Variants in TUSC3 observed in about 807,000 individuals in gnomAD.
The protein encoded by TUSC3 is tumor suppressor candidate 3, also known as dolichyl-diphosphooligosaccharide--protein glycosyltransferase subunit TUSC3.
In TUSC3, 45 loss-of-function variants were observed where a neutral mutation model predicts 44.8. The observed-to-expected ratio is 1.00, with a 90% CI of 0.79 to 1.29. The LOEUF (loss-of-function observed/expected upper bound fraction) is 1.29. Among genes scored for constraint, TUSC3 ranks in the 50% most tolerant of loss-of-function variants. The probability of loss-of-function intolerance (pLI) is 0.00; values close to 1 mark genes in which losing one functional copy is unlikely to be tolerated. For missense variants in TUSC3, 519 were observed against 437.9 expected, an observed-to-expected ratio of 1.19 and a Z score of -1.65; for synonymous variants, 212 against 152.9, an observed-to-expected ratio of 1.39 and a Z score of -2.85.
intron 9 of TUSC3, among the ~76,000 whole-genome samples, chr8:15,756,199 C>A (rs7830913): frequency 6.6e-6 from 1 of 152,012 alleles, no homozygotes; most frequent in African/African-American, 2.4e-5. Context: ...TTTGGTTCCT[C>A]TTAACTAACT....
chr8:15,492,481 T>C (rs747363691), intron 2 of TUSC3, among the ~76,000 whole-genome samples: 1 of 152,208 alleles, frequency 6.6e-6, no homozygotes, highest in African/African-American at 2.4e-5. Flanking sequence ...GTTTTCACTT[T>C]AAACATGAAA....
At chr8:15,427,746 C>G (rs1187480833) in intron 1 of TUSC3, among the ~76,000 whole-genome samples, 1 of 152,146 alleles carries the variant, frequency 6.6e-6, no homozygotes, top group Non-Finnish European at 1.5e-5. Context: ...ATATGGGTAA[C>G]TACCACTGCT....
intron 6 of TUSC3, among the ~76,000 whole-genome samples, chr8:15,693,770 G>C (rs1338217070): frequency 6.6e-6 from 1 of 152,002 alleles, no homozygotes; most frequent in East Asian, 1.9e-4. Context: ...CTCCCTTACA[G>C]GGACACCAGT....
intron 1 of TUSC3, among the ~76,000 whole-genome samples, chr8:15,467,197 T>G (rs1800425514): frequency 6.6e-6 from 1 of 150,890 alleles, no homozygotes. Flanking sequence ...AGTCAACAAG[T>G]ACGTGCACTA....
chr8:15,561,333 G>A lies in TUSC3; in HGVS notation c.138+20765G>A, dbSNP rs1053124123. On this transcript the variant is annotated intron_variant, in intron 1 of 10. Coordinates refer to ENST00000503731, the MANE Select transcript of TUSC3 (RefSeq NM_006765.4). ...GGCTGCTAGGAGGTCAGGGGTCAGG[G>A]ACCCACTTGAGGAGGCAGTCTGCCA... Among the ~76,000 whole-genome samples the A allele has an allele frequency of 3.8e-4, 55 of 146,212 alleles. 3 individuals are homozygous for A. The highest frequency in any genetic ancestry group is 1.3e-3 in the African/African-American group (52 of 39,984).
At chr8:15,747,388 A>C (rs577332404) in intron 8 of TUSC3, among the ~76,000 whole-genome samples, 86 of 152,076 alleles carry the variant, frequency 5.7e-4, no homozygotes, top group African/African-American at 2.0e-3. Context: ...TGTTCTTAAA[A>C]GATGTTTAGA....
intron 6 of TUSC3, among the ~76,000 whole-genome samples, chr8:15,728,558 C>G (rs1319540541): frequency 2.6e-5 from 4 of 151,864 alleles, no homozygotes; most frequent in African/African-American, 7.3e-5. Context: ...AGGATTTTTG[C>G]CTAAACAACT....
rs145639402 is a variant in TUSC3, at chr8:15,423,908, C to G, written n.91+6603C>G. 3.1e-3 allele frequency among the ~76,000 whole-genome samples: 464 copies of G among 149,324 alleles called. 4 individuals carry two copies. Among genetic ancestry groups the G allele is most frequent in the African/African-American group, 0.011 (441 of 40,746 alleles). Reference sequence around the variant, plus strand: ...ACCCCTGTTGTGTGGGGCTTATTGACCAGGATGTTTCCAGGAAAGTCTTCG... The same window carrying G: ...ACCCCTGTTGTGTGGGGCTTATTGAGCAGGATGTTTCCAGGAAAGTCTTCG... On this transcript the variant is annotated intron_variant and non_coding_transcript_variant, in intron 1 of 5. Coordinates refer to the TUSC3 transcript ENST00000503191.
chr8:15,650,744 C>A lies in TUSC3; in HGVS notation c.356C>A (p.Ser119Ter). The A allele has an allele frequency of 6.2e-7, 1 of 1,614,122 alleles. No individual in the cohort carries two copies. Among genetic ancestry groups the A allele is most frequent in the Non-Finnish European group, 8.5e-7 (1 of 1,180,016 alleles). Residue 119 changes from serine to a stop codon, truncating the protein, a stop_gained, in exon 3 of 11, where the codon TCA becomes TAA. Coordinates refer to ENST00000503731, the MANE Select transcript of TUSC3 (RefSeq NM_006765.4). LOFTEE classifies it high-confidence loss of function. ...ATACTGGCGAACTCCTGGCGCTATT[C>A]ATCTGCTTTTTGTAACAAGCTCTTC... ...YQILANSWRY[S>*]SAFCNKLFFS...
intron 6 of TUSC3, among the ~76,000 whole-genome samples, chr8:15,729,550 A>T (rs1172707126): frequency 6.6e-6 from 1 of 152,194 alleles, no homozygotes; most frequent in Non-Finnish European, 1.5e-5. Flanking sequence ...AAATGAAATG[A>T]TGTCCTTTGT....
At position 15,735,469 on chromosome 8, in the gene TUSC3, G is replaced by GATTA. The variant is rs1281791433; in HGVS notation, c.862+4744_862+4747dup. On this transcript the variant is annotated intron_variant, in intron 7 of 10. Transcript: ENST00000503731. Reference sequence around the variant, plus strand: ...CCTCATAATTGGTTGATGAGAAAGGGATTAATTTGTTTAAATTGCTTAAGA... The same window carrying GATTA: ...CCTCATAATTGGTTGATGAGAAAGGGATTAATTAATTTGTTTAAATTGCTTAAGA... 9.9e-5 allele frequency among the ~76,000 whole-genome samples: 15 copies of GATTA among 152,206 alleles called. No homozygotes were observed. In the South Asian group the frequency reaches 2.3e-3, roughly 23 times the overall value.
chr8:15,720,199 T>TACACACACAC lies in TUSC3; in HGVS notation c.799-10466_799-10465insCACACACACA, dbSNP rs1278052451. On this transcript the variant is annotated intron_variant, in intron 6 of 10. Coordinates refer to ENST00000503731, the MANE Select transcript of TUSC3 (RefSeq NM_006765.4). ...CATTGTTAAATATAGTGTATATATATATACACACACACACACACACACACA... is the reference window on the plus strand; with the variant it reads ...CATTGTTAAATATAGTGTATATATATACACACACACATACACACACACACACACACACACA... Among the ~76,000 whole-genome samples the TACACACACAC allele has an allele frequency of 2.2e-3, 222 of 100,848 alleles. 1 individual carries two copies. The highest frequency in any genetic ancestry group is 9.3e-3 in the South Asian group (24 of 2,572). 66.2% of individuals were successfully genotyped at this position (100,848 alleles called of 152,430 possible). A position where few individuals can be genotyped will look rare whatever the true frequency, so the allele number is the denominator to read the frequency against.
intron 1 of TUSC3, among the ~76,000 whole-genome samples, chr8:15,479,975 C>A (rs925343339): frequency 3.3e-5 from 5 of 151,980 alleles, no homozygotes; most frequent in Admixed American, 1.3e-4. Flanking sequence ...AAATCAGTGC[C>A]CAGAAATCAC....
chr8:15,457,595 G>A (rs559074853), intron 1 of TUSC3, among the ~76,000 whole-genome samples: 20 of 150,734 alleles, frequency 1.3e-4, no homozygotes, highest in African/African-American at 4.6e-4. Context: ...ATGTATTACA[G>A]TGTTCATAGC....
At chr8:15,514,636 T>C (rs1374989603) in intron 2 of TUSC3, among the ~76,000 whole-genome samples, 1 of 152,238 alleles carries the variant, frequency 6.6e-6, no homozygotes, top group Admixed American at 6.5e-5. Context: ...GCTTTTGATA[T>C]GGAAGAGCCT....
intron 6 of TUSC3, among the ~76,000 whole-genome samples, chr8:15,686,016 T>A (rs1808613360): frequency 6.6e-6 from 1 of 152,104 alleles, no homozygotes; most frequent in Non-Finnish European, 1.5e-5. Context: ...TAAAGAAAAT[T>A]AATAGTGCAG....
chr8:15,618,531 C>T (rs1216307870), intron 1 of TUSC3, among the ~76,000 whole-genome samples: 1 of 152,170 alleles, frequency 6.6e-6, no homozygotes, highest in Non-Finnish European at 1.5e-5. Context: ...TCTTGTCCCA[C>T]TGGGGGGTCT....
the TUSC3 span, chr8:15,807,130 T>A: frequency 9.7e-7 from 1 of 1,032,746 alleles, no homozygotes. Context: ...AATGACCACC[T>A]TTCAAGTCCA....
chr8:15,491,760 C>T (rs1800812398), intron 2 of TUSC3, among the ~76,000 whole-genome samples: 1 of 152,156 alleles, frequency 6.6e-6, no homozygotes, highest in Non-Finnish European at 1.5e-5. Context: ...GAGACATTTG[C>T]TGAAGAAAAC....
Sources: allele counts gnomAD v4.1 joint callset (sites outside exome capture counted in the v4.1 genomes callset), GRCh38; gene constraint gnomAD v4.1.1; transcripts MANE v1.5; gene names NCBI Gene and HGNC (gene_info 2026-07-23, HGNC 2026-07-21).